Variants in NKAIN1 observed in about 807,000 individuals in gnomAD.
The protein encoded by NKAIN1 is sodium/potassium-transporting ATPase subunit beta-1-interacting protein 1.
In NKAIN1, 13 loss-of-function variants were observed where a neutral mutation model predicts 31.6. That is an observed-to-expected ratio of 0.41 (90% CI 0.27 to 0.65). The LOEUF is 0.65. Among genes scored for constraint, NKAIN1 ranks in the 30% least tolerant of loss-of-function variants. NKAIN1 has a pLI of 0.30. For synonymous variants in NKAIN1, 104 were observed against 109.0 expected (o/e 0.95, Z 0.28); for missense variants, 193 against 262.2 (o/e 0.74, Z 1.82).
chr1:31,204,539 G>A (rs1407242340), intron 1 of NKAIN1, among the ~76,000 whole-genome samples: 2 of 152,160 alleles, frequency 1.3e-5, no homozygotes, highest in African/African-American at 2.4e-5. Flanking sequence ...GCCAAGGCCT[G>A]GAAAGAAGGT....
chr1:31,238,147 A>G (rs1645705712), intron 1 of NKAIN1, among the ~76,000 whole-genome samples: 1 of 152,176 alleles, frequency 6.6e-6, no homozygotes, highest in African/African-American at 2.4e-5. Context: ...GCAGGGCTAC[A>G]ATCTCCAGAG....
chr1:31,238,663 C>T (rs1402966826), intron 1 of NKAIN1, among the ~76,000 whole-genome samples: 3 of 152,170 alleles, frequency 2.0e-5, no homozygotes, highest in Non-Finnish European at 2.9e-5. Flanking sequence ...TCTGGTCCTC[C>T]CTAGGGCACC....
Position 31,232,444 on chromosome 1 carries a change from G to T in NKAIN1, c.54+7050C>A, listed in dbSNP as rs1206463360. ...ATATATAGAGAGAGAGAGAGAGAGA[G>T]AGAGAGAGAGAGAGAGAGAGAGAGA... On this transcript the variant is annotated intron_variant, in intron 1 of 6. Coordinates refer to ENST00000373736, the MANE Select transcript of NKAIN1 (RefSeq NM_024522.3). Among the ~76,000 whole-genome samples the T allele has an allele frequency of 1.1e-4, 11 of 101,474 alleles. 1 individual carries two copies. Among genetic ancestry groups the T allele is most frequent in the African/African-American group, 1.3e-4 (4 of 30,082 alleles). The allele number at this position is 101,474 out of a possible 152,430, so 66.6% of individuals were successfully genotyped here.
rs1645441048 is a variant in NKAIN1, at chr1:31,208,504, A to G, written c.55-20317T>C. 2.0e-5 allele frequency among the ~76,000 whole-genome samples: 3 copies of G among 151,990 alleles called. 1 individual carries two copies. Among genetic ancestry groups the G allele is most frequent in the Admixed American group, 6.6e-5 (1 of 15,250 alleles). On this transcript the variant is annotated intron_variant, in intron 1 of 6. Coordinates refer to ENST00000373736, the MANE Select transcript of NKAIN1 (RefSeq NM_024522.3). ...GAAGTCCTACCCACAGGCCTTTGCT[A>G]CCCTATCAAGCAGGGAAGCCTACCT...
chr1:31,190,771 C>T lies in NKAIN1; in HGVS notation c.55-2584G>A, dbSNP rs80107881. 5.1e-3 allele frequency among the ~76,000 whole-genome samples: 772 copies of T among 152,272 alleles called. 9 individuals are homozygous for T. The highest frequency in any genetic ancestry group is 0.018 in the African/African-American group (729 of 41,560). ...CAGGCTTGTCCAGGGGCCTCTGCCACGGTCTCTGTCTGCTGCTCCTATCCC... is the reference window on the plus strand; with the variant it reads ...CAGGCTTGTCCAGGGGCCTCTGCCATGGTCTCTGTCTGCTGCTCCTATCCC... On this transcript the variant is annotated intron_variant, in intron 1 of 6. Transcript: ENST00000373736.
At chr1:31,221,377 T>C (rs890295285) in intron 1 of NKAIN1, among the ~76,000 whole-genome samples, 9 of 152,208 alleles carry the variant, frequency 5.9e-5, no homozygotes, top group African/African-American at 2.2e-4. Context: ...GAGATGCACA[T>C]TCTTGGCCCC....
At chr1:31,208,623 A>T (rs1645441519) in intron 1 of NKAIN1, among the ~76,000 whole-genome samples, 1 of 100,368 alleles carries the variant, frequency 1.0e-5, no homozygotes, top group African/African-American at 3.1e-5. Flanking sequence ...TGTGGCCCCC[A>T]CATAGTGGGG....
chr1:31,194,870 CA>C (rs1244587997), intron 1 of NKAIN1, among the ~76,000 whole-genome samples: 1 of 142,040 alleles, frequency 7.0e-6, no homozygotes, highest in East Asian at 2.2e-4. Context: ...CTCCCAGGTT[CA>C]AGCGATTCTC....
intron 1 of NKAIN1, among the ~76,000 whole-genome samples, chr1:31,238,467 G>C (rs773201213): frequency 6.6e-6 from 1 of 152,168 alleles, no homozygotes; most frequent in African/African-American, 2.4e-5. Context: ...AACCTCCCTA[G>C]TTGTTCAATC....
In NKAIN1 at chr1:31,239,153, T is replaced by C. The variant is rs1305426707; in HGVS notation, c.54+341A>G. On this transcript the variant is annotated intron_variant, in intron 1 of 6. Transcript: ENST00000373736. The surrounding 1 kb of genome is among the most constrained non-coding windows in gnomAD (Gnocchi z 4.8). ...AGCAGGACCTCAACGGATCCACAGATCAGCCTCAGACACACCCCCAGTCCC... is the reference window on the plus strand; with the variant it reads ...AGCAGGACCTCAACGGATCCACAGACCAGCCTCAGACACACCCCCAGTCCC... Among the ~76,000 whole-genome samples the C allele has an allele frequency of 6.6e-6, 1 of 151,920 alleles. No homozygotes were observed. The highest frequency in any genetic ancestry group is 1.9e-4 in the East Asian group (1 of 5,150).
At position 31,239,080 on chromosome 1, in the gene NKAIN1, G is replaced by A. The variant is rs1269350646; in HGVS notation, c.54+414C>T. On this transcript the variant is annotated intron_variant, in intron 1 of 6. Coordinates refer to ENST00000373736, the MANE Select transcript of NKAIN1 (RefSeq NM_024522.3). The surrounding 1 kb of genome is among the most constrained non-coding windows in gnomAD (Gnocchi z 4.8). ...GGTGGTGATCAGAGGCAGAGACCCAGAGGAAGGGAGAGACCCATGCAAACG... is the reference window on the plus strand; with the variant it reads ...GGTGGTGATCAGAGGCAGAGACCCAAAGGAAGGGAGAGACCCATGCAAACG... Among the ~76,000 whole-genome samples the A allele has an allele frequency of 6.6e-6, 1 of 152,130 alleles. No homozygotes were observed. Among genetic ancestry groups the A allele is most frequent in the Admixed American group, 6.5e-5 (1 of 15,276 alleles).
At chr1:31,195,620 T>G (rs879164191) in intron 1 of NKAIN1, among the ~76,000 whole-genome samples, 3 of 150,778 alleles carry the variant, frequency 2.0e-5, no homozygotes, top group Non-Finnish European at 4.4e-5. Flanking sequence ...CCTCTCCCAT[T>G]AAAAAAAGAA....
chr1:31,220,180 T>G (rs1414291572), intron 1 of NKAIN1, among the ~76,000 whole-genome samples: 1 of 148,962 alleles, frequency 6.7e-6, no homozygotes, highest in African/African-American at 2.5e-5. Flanking sequence ...GCTAATTTTT[T>G]TTTTTTTTTT....
At chr1:31,213,128 C>A (rs1433482923) in intron 1 of NKAIN1, among the ~76,000 whole-genome samples, 10 of 143,624 alleles carry the variant, frequency 7.0e-5, no homozygotes, top group East Asian at 2.0e-4. Context: ...GTTGAGGATA[C>A]AAAAAAAAAG....
chr1:31,222,735 T>C (rs532617604), intron 1 of NKAIN1, among the ~76,000 whole-genome samples: 3 of 152,154 alleles, frequency 2.0e-5, no homozygotes, highest in East Asian at 3.8e-4. Context: ...GAGAGCAAAC[T>C]GCACCCTCAA....
chr1:31,202,674 T>TAAAA (rs35561378), intron 1 of NKAIN1, among the ~76,000 whole-genome samples: 1 of 100,988 alleles, frequency 9.9e-6, no homozygotes, highest in Non-Finnish European at 1.9e-5. Flanking sequence ...AGACTCTGTA[T>TAAAA]AAAAAAAAAA....
In NKAIN1 at chr1:31,203,152, C is replaced by A. The variant is rs571046276; in HGVS notation, c.55-14965G>T. On this transcript the variant is annotated intron_variant, in intron 1 of 6. Coordinates refer to ENST00000373736, the MANE Select transcript of NKAIN1 (RefSeq NM_024522.3). ...ACAGGCATGGTGGCTGTAATCCCAG[C>A]TACTCGGGAGGCTGAGGCAGGAGAA... 2.0e-5 allele frequency among the ~76,000 whole-genome samples: 3 copies of A among 151,910 alleles called. No homozygotes were observed. The East Asian group carries it at 5.8e-4, about 29-fold the overall frequency.
At chr1:31,194,818 C>T (rs867775153) in intron 1 of NKAIN1, among the ~76,000 whole-genome samples, 6 of 130,640 alleles carry the variant, frequency 4.6e-5, no homozygotes, top group Non-Finnish European at 7.7e-5. Flanking sequence ...GTCACCCAGG[C>T]TGGAGTGCAG....
intron 1 of NKAIN1, among the ~76,000 whole-genome samples, chr1:31,191,878 G>A (rs1253552603): frequency 6.6e-6 from 1 of 152,186 alleles, no homozygotes; most frequent in Non-Finnish European, 1.5e-5. Context: ...CTGGGCTCAA[G>A]GCATCCTCCT....
Sources: allele counts gnomAD v4.1 joint callset (sites outside exome capture counted in the v4.1 genomes callset), GRCh38; gene constraint gnomAD v4.1.1; non-coding constraint Gnocchi (gnomAD v3.1); transcripts MANE v1.5; gene names NCBI Gene and HGNC (gene_info 2026-07-23, HGNC 2026-07-21).